DIAPH2: variants seen among roughly 807,000 people sequenced by gnomAD.
The protein encoded by DIAPH2 is protein diaphanous homolog 2.
A neutral mutation model predicts 92.7 loss-of-function variants in DIAPH2; 35 were observed. That is an observed-to-expected ratio of 0.38 (90% confidence interval 0.29 to 0.50). The LOEUF is 0.50. DIAPH2 is among the 20% of genes least tolerant of loss of function. The probability of loss-of-function intolerance (pLI) is 0.94; values close to 1 mark genes in which losing one functional copy is unlikely to be tolerated. For synonymous variants in DIAPH2, 301 were observed against 280.4 expected (o/e 1.07, Z -0.73); for missense variants, 701 against 819.5 (o/e 0.86, Z 1.77).
chrX:97,018,535 AG>A (rs1315652409), intron 17 of DIAPH2, among the ~76,000 whole-genome samples: 5 of 112,289 alleles, frequency 4.5e-5, no homozygotes, highest in African/African-American at 1.6e-4. Context: ...AGAGGAAATT[AG>A]TGATATATTA....
At position 96,901,532 on chromosome X, in the gene DIAPH2, G is replaced by GGTT. The variant is rs1385495351; in HGVS notation, c.588-10796_588-10795insGTT. Among the ~76,000 whole-genome samples the GGTT allele has an allele frequency of 2.8e-3, 92 of 33,095 alleles. 2 individuals carry two copies. Among genetic ancestry groups the GGTT allele is most frequent in the African/African-American group, 9.4e-3 (90 of 9,607 alleles). 28.7% of individuals were successfully genotyped at this position (33,095 alleles called of 115,157 possible). On this transcript the variant is annotated intron_variant, in intron 5 of 26. Transcript: ENST00000324765. ...GGATTTTGTTTGTTCTTTTCTTTCTGTTTTTTTTTTTTTTTTTTTTTTTTT... is the reference window on the plus strand; with the variant it reads ...GGATTTTGTTTGTTCTTTTCTTTCTGGTTTTTTTTTTTTTTTTTTTTTTTTTTT...
intron 26 of DIAPH2, among the ~76,000 whole-genome samples, chrX:97,492,767 T>C (rs1403909605): frequency 8.9e-6 from 1 of 112,051 alleles, no homozygotes; most frequent in Non-Finnish European, 1.9e-5. Flanking sequence ...CCACTGATAG[T>C]CTTATTGAGG....
At chrX:97,230,143 G>A (rs1194423913) in intron 22 of DIAPH2, among the ~76,000 whole-genome samples, 1 of 110,502 alleles carries the variant, frequency 9.0e-6, no homozygotes, top group East Asian at 2.8e-4. Context: ...CAGTATTATG[G>A]TATTGGCCTC....
At chrX:97,444,027 C>G (rs2070284894) in intron 26 of DIAPH2, among the ~76,000 whole-genome samples, 1 of 112,113 alleles carries the variant, frequency 8.9e-6, no homozygotes, top group African/African-American at 3.2e-5. Flanking sequence ...TAAATAATTG[C>G]TTTTCCAACT....
At chrX:97,058,484 T>C (rs2066573697) in intron 17 of DIAPH2, among the ~76,000 whole-genome samples, 2 of 108,127 alleles carry the variant, frequency 1.8e-5, no homozygotes, top group Non-Finnish European at 3.8e-5. Context: ...TTTTTAAGTA[T>C]TTAGACTATG....
intron 23 of DIAPH2, among the ~76,000 whole-genome samples, chrX:97,295,019 C>T (rs2068631715): frequency 9.0e-6 from 1 of 111,413 alleles, no homozygotes; most frequent in African/African-American, 3.3e-5. Flanking sequence ...GACACACCAG[C>T]CCTAATCTTC....
intron 23 of DIAPH2, among the ~76,000 whole-genome samples, chrX:97,260,346 G>A (rs755939299): frequency 8.9e-6 from 1 of 112,458 alleles, no homozygotes; most frequent in South Asian, 3.7e-4. Context: ...AGGTGATAAG[G>A]AAGAGATTTA....
At chrX:97,445,210 G>C (rs1004209308) in intron 26 of DIAPH2, among the ~76,000 whole-genome samples, 1 of 111,203 alleles carries the variant, frequency 9.0e-6, no homozygotes, top group African/African-American at 3.3e-5. Context: ...GGCAGAGGAA[G>C]ATGCAAAGCA....
At chrX:97,494,310 C>T (rs958561805) in intron 26 of DIAPH2, among the ~76,000 whole-genome samples, 15 of 109,567 alleles carry the variant, frequency 1.4e-4, no homozygotes, top group Non-Finnish European at 2.5e-4. Context: ...CAGAGCGAGA[C>T]TCTGTCTCAA....
intron 22 of DIAPH2, among the ~76,000 whole-genome samples, chrX:97,165,872 C>G (rs946833506): frequency 9.0e-6 from 1 of 110,636 alleles, no homozygotes; most frequent in African/African-American, 3.3e-5. Context: ...AAAAGTGCAG[C>G]TGCTTAAAAA....
intron 17 of DIAPH2, among the ~76,000 whole-genome samples, chrX:97,065,035 T>G (rs2066624877): frequency 9.0e-6 from 1 of 111,606 alleles, no homozygotes; most frequent in Admixed American, 9.6e-5. Flanking sequence ...GCCCAGACTG[T>G]ATTCTCAACA....
intron 20 of DIAPH2, among the ~76,000 whole-genome samples, chrX:97,104,688 C>T (rs1396595407): frequency 9.0e-6 from 1 of 111,246 alleles, no homozygotes; most frequent in African/African-American, 3.3e-5. Context: ...GCCTTATTTC[C>T]TGATTTTAAT....
chrX:97,401,701 A>G (rs1195508586), intron 25 of DIAPH2, among the ~76,000 whole-genome samples: 1 of 111,670 alleles, frequency 9.0e-6, no homozygotes, highest in East Asian at 2.8e-4. Flanking sequence ...GGGGACAGCA[A>G]TCCATTTTCT....
intron 26 of DIAPH2, among the ~76,000 whole-genome samples, chrX:97,552,144 A>G (rs1303859136): frequency 9.0e-6 from 1 of 111,708 alleles, no homozygotes; most frequent in East Asian, 2.8e-4. Flanking sequence ...CTAAGTTGTA[A>G]ACTCAATGAT....
chrX:96,822,729 A>G (rs1464796504), intron 4 of DIAPH2, among the ~76,000 whole-genome samples: 1 of 112,268 alleles, frequency 8.9e-6, no homozygotes, highest in Non-Finnish European at 1.9e-5. Context: ...ATAAAAGAAT[A>G]TATTTTTGAC....
intron 4 of DIAPH2, among the ~76,000 whole-genome samples, chrX:96,863,241 CTTTTTTT>C (rs72109103): frequency 0.065 from 5,603 of 86,016 alleles, 182 homozygotes; most frequent in Middle Eastern, 0.17. Context: ...CTCATTATTC[CTTTTTTT>C]TTTTTTTTTT....
rs955634206 is a variant in DIAPH2 at position 97,210,047 on chromosome X, A to C, written c.2720-37668A>C. 2.7e-5 allele frequency among the ~76,000 whole-genome samples: 3 copies of C among 111,616 alleles called. No homozygotes were observed. In the Admixed American group the frequency reaches 2.9e-4, roughly 11 times the overall value. ...TGACAATCCAAATTTGGAGGTCAAC[A>C]AATAAGCATTGACTTTTCACTCTTC... is the stretch of plus-strand genomic sequence containing the variant. On this transcript the variant is annotated intron_variant, in intron 22 of 26. Transcript: ENST00000324765.
At chrX:97,316,956 A>G (rs2068846001) in intron 23 of DIAPH2, among the ~76,000 whole-genome samples, 1 of 111,706 alleles carries the variant, frequency 9.0e-6, no homozygotes, top group African/African-American at 3.2e-5. Flanking sequence ...GAATTGAAAC[A>G]GAAAGGAAAT....
intron 19 of DIAPH2, among the ~76,000 whole-genome samples, chrX:97,084,745 C>T (rs2066771607): frequency 9.0e-6 from 1 of 111,169 alleles, no homozygotes; most frequent in Non-Finnish European, 1.9e-5. Flanking sequence ...TAGTAAGGGG[C>T]CTCTAGATAA....
Sources: allele counts gnomAD v4.1 joint callset (sites outside exome capture counted in the v4.1 genomes callset), GRCh38; gene constraint gnomAD v4.1.1; transcripts MANE v1.5; gene names NCBI Gene and HGNC (gene_info 2026-07-23, HGNC 2026-07-21).